HGF: variants seen among roughly 807,000 people sequenced by gnomAD.
HGF encodes the protein fibroblast-derived tumor cytotoxic factor.
A neutral mutation model predicts 111.6 loss-of-function variants in HGF; 39 were observed. The observed-to-expected ratio is 0.35, with a 90% CI of 0.27 to 0.46. HGF has a LOEUF of 0.46. Ranked by LOEUF, HGF falls within the 20% of genes least tolerant of loss-of-function variation. The pLI is 1.00. For synonymous variants in HGF, 285 were observed against 294.8 expected (o/e 0.97, Z 0.34); for missense variants, 735 against 910.5 (o/e 0.81, Z 2.48).
intron 1 of HGF, among the ~76,000 whole-genome samples, chr7:81,769,568 G>A (rs2116291126): frequency 6.6e-6 from 1 of 152,272 alleles, no homozygotes; most frequent in Non-Finnish European, 1.5e-5. Context: ...CTTGTCCAAA[G>A]CAGCCAAGTT....
chr7:81,702,580 G>T lies in HGF; in HGVS notation c.*1C>A, dbSNP rs1326632045. On this transcript the variant is annotated 3_prime_UTR_variant, in exon 18 of 18. Coordinates refer to ENST00000222390, the MANE Select transcript of HGF (RefSeq NM_000601.6). ...GGGTGCTTCAGACACACTTACTTCA[G>T]CTATGACTGTGGTACCTTATATGTT... 6.2e-7 allele frequency: 1 copy of T among 1,608,220 alleles called. No homozygotes were observed. Among genetic ancestry groups the T allele is most frequent in the Admixed American group, 1.7e-5 (1 of 59,750 alleles).
intron 10 of HGF, among the ~76,000 whole-genome samples, chr7:81,720,368 C>T (rs899385454): frequency 2.0e-5 from 3 of 152,154 alleles, no homozygotes; most frequent in Non-Finnish European, 4.4e-5. Context: ...TGCAATATTT[C>T]AAACACCAGA....
intron 11 of HGF, among the ~76,000 whole-genome samples, chr7:81,712,970 G>A (rs1789610590): frequency 6.6e-6 from 1 of 152,190 alleles, no homozygotes; most frequent in South Asian, 2.1e-4. Flanking sequence ...GTCAGCTGAG[G>A]TCAGAGTTTT....
chr7:81,735,666 T>C (rs1787803009), intron 7 of HGF, among the ~76,000 whole-genome samples: 1 of 152,118 alleles, frequency 6.6e-6, no homozygotes. Context: ...GATTTTTTTG[T>C]ATATTTGTTT....
intron 8 of HGF, among the ~76,000 whole-genome samples, 197 bp from the exon 9 acceptor site, chr7:81,726,214 T>C (rs1790005824): frequency 6.6e-6 from 1 of 152,172 alleles, no homozygotes; most frequent in Non-Finnish European, 1.5e-5. Flanking sequence ...ATAAATGCTG[T>C]CATATGTTAA....
At chr7:81,739,105 C>G (rs1394761622) in intron 7 of HGF, among the ~76,000 whole-genome samples, 1 of 152,092 alleles carries the variant, frequency 6.6e-6, no homozygotes, top group Non-Finnish European at 1.5e-5. Flanking sequence ...TAATGCCTCT[C>G]TTATATATAT....
At chr7:81,717,643 TGGC>T (rs1359730593) in intron 10 of HGF, among the ~76,000 whole-genome samples, 1 of 152,028 alleles carries the variant, frequency 6.6e-6, no homozygotes, top group Non-Finnish European at 1.5e-5. Flanking sequence ...GTAATCCCAG[TGGC>T]ATGGTAATGA....
Position 81,705,714 on chromosome 7 carries a change from T to C in HGF, c.1797A>G (p.Leu599=), listed in dbSNP as rs2115766348. 6.2e-7 allele frequency: 1 copy of C among 1,612,220 alleles called. No homozygotes were observed. Among genetic ancestry groups the C allele is most frequent in the Non-Finnish European group, 8.5e-7 (1 of 1,178,722 alleles). The change falls in exon 16 of 18, where the codon TTA becomes TTG. Residue 599 remains leucine, a synonymous_variant. Coordinates refer to ENST00000222390, the MANE Select transcript of HGF (RefSeq NM_000601.6). The stretch of plus-strand genomic sequence containing the variant: ...CAGGAATTGTGCATCCATAATTAGG[T>C]AAATCAATCGTACTAACAAAATCAT... ...VLDDFVSTID[L]PNYGCTIPEK...
intron 13 of HGF, among the ~76,000 whole-genome samples, chr7:81,708,896 T>C (rs183676363): frequency 4.9e-4 from 74 of 152,238 alleles, no homozygotes; most frequent in Non-Finnish European, 9.9e-4. Context: ...TATACTACAA[T>C]TATTGGCATA....
intron 11 of HGF, among the ~76,000 whole-genome samples, chr7:81,712,737 C>A (rs1361836501): frequency 6.6e-6 from 1 of 152,138 alleles, no homozygotes; most frequent in African/African-American, 2.4e-5. Flanking sequence ...CCTGGAAATG[C>A]CCTGAGCTCA....
chr7:81,739,246 G>GT (rs1787928959), intron 7 of HGF, among the ~76,000 whole-genome samples: 1 of 151,954 alleles, frequency 6.6e-6, no homozygotes, highest in African/African-American at 2.4e-5. Flanking sequence ...TCCCCACCTT[G>GT]TTTTTCTCAC....
chr7:81,747,640 T>C (rs968457071), intron 5 of HGF, among the ~76,000 whole-genome samples: 2 of 152,218 alleles, frequency 1.3e-5, no homozygotes, highest in Non-Finnish European at 2.9e-5. Flanking sequence ...GATACTTAAA[T>C]ATATTACAGT....
chr7:81,717,522 G>T (rs963334480), intron 10 of HGF, among the ~76,000 whole-genome samples, 157 bp from the exon 11 acceptor site: 2 of 152,066 alleles, frequency 1.3e-5, no homozygotes, highest in Non-Finnish European at 2.9e-5. Context: ...TTTGAGGTCT[G>T]TTTGGTTGCT....
chr7:81,711,199 C>T lies in HGF; in HGVS notation c.1444+282G>A, dbSNP rs148612284. On this transcript the variant is annotated intron_variant, in intron 12 of 17. Coordinates refer to ENST00000222390, the MANE Select transcript of HGF (RefSeq NM_000601.6). Reference sequence around the variant, plus strand: ...AAGGTGGTCCATTATACGCATTGTGCCCCAAATTAAAAGTAAATATAAACA... The same window carrying T: ...AAGGTGGTCCATTATACGCATTGTGTCCCAAATTAAAAGTAAATATAAACA... Among the ~76,000 whole-genome samples the T allele has an allele frequency of 0.012, 1,772 of 152,106 alleles. 39 individuals are homozygous for T. Among genetic ancestry groups the T allele is most frequent in the African/African-American group, 0.041 (1,699 of 41,478 alleles).
At chr7:81,712,345 C>T (rs1789594455) in intron 11 of HGF, among the ~76,000 whole-genome samples, 1 of 152,132 alleles carries the variant, frequency 6.6e-6, no homozygotes, top group Admixed American at 6.5e-5. Flanking sequence ...ACACCAACTT[C>T]ATAAATCTCT....
intron 6 of HGF, among the ~76,000 whole-genome samples, chr7:81,744,160 G>T (rs5745670): frequency 6.6e-6 from 1 of 152,064 alleles, no homozygotes. Context: ...ACACCTAACA[G>T]CAATTTCCAA....
chr7:81,762,573 A>G (rs1401328344), intron 2 of HGF, 134 bp downstream of exon 2: 3 of 749,888 alleles, frequency 4.0e-6, no homozygotes, highest in Non-Finnish European at 4.7e-6. Context: ...CTTCGTTTGT[A>G]GTGAGTTAAA....
In HGF at chr7:81,700,336, C is replaced by A. The variant is rs1233923385; in HGVS notation, c.*2245G>T. On this transcript the variant is annotated 3_prime_UTR_variant, in exon 18 of 18. Transcript: ENST00000222390. The stretch of plus-strand genomic sequence containing the variant: ...CCATGTCCCTCTATCACGAAAGGAG[C>A]CTCCCAAAGAGAGAATTACTTTGTA... 6.6e-6 allele frequency: 1 copy of A among 151,472 alleles called. No homozygotes were observed. Among genetic ancestry groups the A allele is most frequent in the Non-Finnish European group, 1.5e-5 (1 of 67,630 alleles). 9.4% of individuals were successfully genotyped at this position (151,472 alleles called of 1,614,324 possible).
intron 4 of HGF, among the ~76,000 whole-genome samples, chr7:81,754,211 A>G (rs1399457809): frequency 6.6e-6 from 1 of 151,984 alleles, no homozygotes; most frequent in Non-Finnish European, 1.5e-5. Flanking sequence ...CTGGGTTTTA[A>G]TCTCTTCACT....
Sources: gnomAD v4.1 joint callset for allele counts (sites outside exome capture counted in the v4.1 genomes callset) on GRCh38, gnomAD v4.1.1 for gene constraint, MANE v1.5 for transcripts, NCBI Gene and HGNC (gene_info 2026-07-23, HGNC 2026-07-21) for gene names.